SHOX2: variants seen among roughly 807,000 people sequenced by gnomAD.
SHOX2 encodes the protein short stature homeobox protein 2.
A neutral mutation model predicts 31.3 loss-of-function variants in SHOX2; 13 were observed. That is an observed-to-expected ratio of 0.42 (90% confidence interval 0.27 to 0.66). The LOEUF (loss-of-function observed/expected upper bound fraction) is 0.66, where lower values mean the gene tolerates loss of function less well. Among genes scored for constraint, SHOX2 ranks in the 30% least tolerant of loss-of-function variants. The probability of loss-of-function intolerance (pLI) is 0.27; values close to 1 mark genes in which losing one functional copy is unlikely to be tolerated. For missense variants in SHOX2, 473 were observed against 443.0 expected (o/e 1.07, Z -0.61); for synonymous variants, 244 against 196.2 (o/e 1.24, Z -2.04).
At position 158,096,930 on chromosome 3, in the gene SHOX2, ATG is replaced by A. The variant is rs1491288416; in HGVS notation, c.*1095_*1096del. On this transcript the variant is annotated 3_prime_UTR_variant, in exon 5 of 5. Coordinates refer to ENST00000483851, the MANE Select transcript of SHOX2 (RefSeq NM_001163678.2). ...TATATATATATATATATATATATAT[ATG>A]GCAAATATATGATATATATATATGG... 708 of 102,172 alleles carry A rather than the reference ATG, an allele frequency of 6.9e-3. 35 individuals carry two copies. Among genetic ancestry groups the A allele is most frequent in the Non-Finnish European group, 0.01 (514 of 50,312 alleles). 6.3% of individuals were successfully genotyped at this position (102,172 alleles called of 1,614,324 possible).
chr3:158,100,099 C>A, intron 3 of SHOX2, 151 bp from the exon 4 acceptor site: 1 of 926,306 alleles, frequency 1.1e-6, no homozygotes, highest in East Asian at 2.5e-5. Context: ...TAACTTACTC[C>A]CAAACTTTAG....
At position 158,105,902 on chromosome 3, in the gene SHOX2, G is replaced by C. The variant is rs1293381198; in HGVS notation, c.123C>G (p.Thr41=). Reference sequence around the variant, plus strand: ...CGTCGCGGCCCGCCTCGGTGCAGCCGGTCGGCTCCTTGGCCCCGCGCAGCG... The same window carrying C: ...CGTCGCGGCCCGCCTCGGTGCAGCCCGTCGGCTCCTTGGCCCCGCGCAGCG... ...SGPLRGAKEP[T]GCTEAGRDDR... Residue 41 remains threonine, a synonymous_variant, in exon 1 of 5, where the codon ACC becomes ACG. Coordinates refer to ENST00000483851, the MANE Select transcript of SHOX2 (RefSeq NM_001163678.2). 1 of 1,589,198 alleles carries C rather than the reference G, an allele frequency of 6.3e-7. No individual in the cohort carries two copies.
rs546703969 is a variant in SHOX2 at position 158,099,094 on chromosome 3, A to G, written c.702+766T>C. On this transcript the variant is annotated intron_variant, in intron 4 of 4. Coordinates refer to ENST00000483851, the MANE Select transcript of SHOX2 (RefSeq NM_001163678.2). ...CCTATCTGTCTCCCCGGTCCAAGTC[A>G]CTGGAGACTGAGAGCTAATTCATGA... Among the ~76,000 whole-genome samples the G allele has an allele frequency of 1.3e-3, 192 of 152,278 alleles. 2 individuals are homozygous for G. Among genetic ancestry groups the G allele is most frequent in the African/African-American group, 4.5e-3 (186 of 41,554 alleles).
chr3:158,103,054 A>C, intron 1 of SHOX2, 168 bp from the exon 2 acceptor site: 1 of 689,836 alleles, frequency 1.4e-6, no homozygotes, highest in Non-Finnish European at 2.5e-6. Flanking sequence ...TTCTCAACCC[A>C]CCCGGAGGAA....
At chr3:158,100,007 T>C (rs1200009716) in intron 3 of SHOX2, 59 bp from the exon 4 acceptor site, 1 of 1,418,736 alleles carries the variant, frequency 7.0e-7, no homozygotes, top group African/African-American at 1.4e-5. Context: ...TTTTTCAGGG[T>C]TCCAAAGGGT....
In SHOX2 at chr3:158,105,902, G is replaced by A. The variant is rs1293381198; in HGVS notation, c.123C>T (p.Thr41=). 3 of 1,589,198 alleles carry A rather than the reference G, an allele frequency of 1.9e-6. No homozygotes were observed. The highest frequency in any genetic ancestry group is 1.7e-5 in the Admixed American group (1 of 57,992). Residue 41 remains threonine, a synonymous_variant, in exon 1 of 5, where the codon ACC becomes ACT. Coordinates refer to ENST00000483851, the MANE Select transcript of SHOX2 (RefSeq NM_001163678.2). ...SGPLRGAKEP[T]GCTEAGRDDR... ...CGTCGCGGCCCGCCTCGGTGCAGCC[G>A]GTCGGCTCCTTGGCCCCGCGCAGCG...
Position 158,099,951 on chromosome 3 carries a change from G to T in SHOX2, c.614-3C>A. 6.2e-7 allele frequency: 1 copy of T among 1,612,882 alleles called. No homozygotes were observed. The highest frequency in any genetic ancestry group is 8.5e-7 in the Non-Finnish European group (1 of 1,178,892). On this transcript the variant is annotated splice_region_variant and splice_polypyrimidine_tract_variant and intron_variant, in intron 3 of 4. Transcript: ENST00000483851. ...GCTGGCGGCCCCTATGAGAACACCT[G>T]TAAAAAGTACAAGAGAAAAATAATG... is the stretch of plus-strand genomic sequence containing the variant.
chr3:158,106,075 C>CT lies in SHOX2; in HGVS notation c.-52dup. 6.2e-7 allele frequency: 1 copy of CT among 1,605,338 alleles called. No individual in the cohort carries two copies. The highest frequency in any genetic ancestry group is 8.5e-7 in the Non-Finnish European group (1 of 1,175,742). ...CAACCTCTGCCAGCAGAGCCCCGCT[C>CT]TTTTTTTCCTTCTTCTTTTTTTACT... On this transcript the variant is annotated 5_prime_UTR_variant, in exon 1 of 5. Transcript: ENST00000483851.
chr3:158,105,800 TCCGCCTCCTCCGCCG>T lies in SHOX2; in HGVS notation c.210_224del (p.Gly73_Gly77del). On this transcript the variant is annotated inframe_deletion, in exon 1 of 5. Coordinates refer to ENST00000483851, the MANE Select transcript of SHOX2 (RefSeq NM_001163678.2). ...CTGCTCCTCCTCCTCCTACACCTCC[TCCGCCTCCTCCGCCG>T]CCGCCTCCGCCTCCTCCGCCGCCGC... 6.8e-7 allele frequency: 1 copy of T among 1,473,604 alleles called. No individual in the cohort carries two copies. The highest frequency in any genetic ancestry group is 2.7e-5 in the Admixed American group (1 of 37,266). The allele number at this position is 1,473,604 out of a possible 1,614,324, so 91.3% of individuals were successfully genotyped here.
rs750717278 is a variant in SHOX2 at position 158,102,646 on chromosome 3, C to T, written c.555+32G>A. The T allele has an allele frequency of 2.8e-5, 45 of 1,600,400 alleles. No homozygotes were observed. In the Middle Eastern group the frequency reaches 6.9e-4, roughly 25 times the overall value. The stretch of plus-strand genomic sequence containing the variant: ...TTCCAACCCCAGGCTCTCTCTGCTC[C>T]CTGGGCCCTCGACCTCCTGGCAGCT... On this transcript the variant is annotated intron_variant, in intron 2 of 4. Coordinates refer to ENST00000483851, the MANE Select transcript of SHOX2 (RefSeq NM_001163678.2).
chr3:158,096,852 C>T lies in SHOX2; in HGVS notation c.*1175G>A, dbSNP rs1424976339. 1 of 117,658 alleles carries T rather than the reference C, an allele frequency of 8.5e-6. No homozygotes were observed. The highest frequency in any genetic ancestry group is 3.3e-5 in the African/African-American group (1 of 30,724). The allele number at this position is 117,658 out of a possible 1,614,324, so 7.3% of individuals were successfully genotyped here. On this transcript the variant is annotated 3_prime_UTR_variant, in exon 5 of 5. Coordinates refer to ENST00000483851, the MANE Select transcript of SHOX2 (RefSeq NM_001163678.2). ...TGAGTGTAATTTTTTCCCTTTCTGA[C>T]TTTTTTCTTTTGTTCCCCAGGATCA...
rs1055832330 is a variant in SHOX2 at position 158,096,266 on chromosome 3, C to T, written c.*1761G>A. ...CAAAGTTCAGTTAGAAGAGCTTTTC[C>T]TCTTTCTTGTAAATTAGAAGGTAAA... On this transcript the variant is annotated 3_prime_UTR_variant, in exon 5 of 5. Coordinates refer to ENST00000483851, the MANE Select transcript of SHOX2 (RefSeq NM_001163678.2). 25 of 152,144 alleles carry T rather than the reference C, an allele frequency of 1.6e-4. No homozygotes were observed. Among genetic ancestry groups the T allele is most frequent in the African/African-American group, 6.0e-4 (25 of 41,402 alleles). The allele number at this position is 152,144 out of a possible 1,614,324, so 9.4% of individuals were successfully genotyped here. A position where few individuals can be genotyped will look rare whatever the true frequency, so the allele number is the denominator to read the frequency against.
Position 158,101,255 on chromosome 3 carries a change from T to G in SHOX2, c.556-944A>C, listed in dbSNP as rs189982296. 4.6e-5 allele frequency among the ~76,000 whole-genome samples: 7 copies of G among 152,352 alleles called. No individual in the cohort carries two copies. In the East Asian group the frequency reaches 1.2e-3, roughly 25 times the overall value. ...TGCTTCAGAGCTTTCATTGGTATGTTTTTGAAAGCAAGTGTCATAGTCAAT... is the reference window on the plus strand; with the variant it reads ...TGCTTCAGAGCTTTCATTGGTATGTGTTTGAAAGCAAGTGTCATAGTCAAT... On this transcript the variant is annotated intron_variant, in intron 2 of 4. Transcript: ENST00000483851.
intron 2 of SHOX2, 61 bp from the exon 3 acceptor site, chr3:158,100,372 A>C (rs954020689): frequency 3.9e-6 from 5 of 1,278,744 alleles, no homozygotes; most frequent in Non-Finnish European, 5.5e-6. Flanking sequence ...ATTTTTTTAA[A>C]TTACAAAAGT....
Position 158,098,074 on chromosome 3 carries a change from C to A in SHOX2, c.913G>T (p.Asp305Tyr). The change falls in exon 5 of 5, where the codon GAT becomes TAT. Residue 305 changes from aspartate to tyrosine, a missense_variant. Physicochemically the swap from Asp to Tyr is radical, Grantham distance 160. Around this residue, in one of 3 missense-constraint regions of SHOX2, gnomAD observed 182 missense variants for 167.2 expected, o/e 1.09. Coordinates refer to ENST00000483851, the MANE Select transcript of SHOX2 (RefSeq NM_001163678.2). ...TGCTTTTTGGCTTTCAGTCTGAGAT[C>A]GGCGATGCTGGAGTTCTTGCTGGTG... ...KTTSKNSSIA[D>Y]LRLKAKKHAA... is the part of the protein sequence containing the mutation. 1.2e-6 allele frequency: 2 copies of A among 1,611,334 alleles called. No homozygotes were observed. Among genetic ancestry groups the A allele is most frequent in the Non-Finnish European group, 1.7e-6 (2 of 1,178,274 alleles).
intron 1 of SHOX2, among the ~76,000 whole-genome samples, chr3:158,104,864 TTTA>T (rs1330204849): frequency 6.6e-6 from 1 of 152,140 alleles, no homozygotes; most frequent in Non-Finnish European, 1.5e-5. Flanking sequence ...CCAAATCAAT[TTTA>T]TTGTTGAACT....
Position 158,102,782 on chromosome 3 carries a change from G to T in SHOX2, c.451C>A (p.Gln151Lys), listed in dbSNP as rs1713583589. 6.2e-7 allele frequency: 1 copy of T among 1,614,092 alleles called. No individual in the cohort carries two copies. Among genetic ancestry groups the T allele is most frequent in the Non-Finnish European group, 8.5e-7 (1 of 1,180,028 alleles). Residue 151 changes from glutamine (Q) to lysine (K), a missense_variant, in exon 2 of 5, where the codon CAA becomes AAA. Transcript: ENST00000483851. ...AAAAGCCTCTCCAGCTCATTGAGTT[G>T]TTCCAGGGTGAAATTGGTCCGACTT... ...RRSRTNFTLE[Q>K]LNELERLFDE...
chr3:158,105,780 C>G lies in SHOX2; in HGVS notation c.245G>C (p.Gly82Ala). 6.6e-7 allele frequency: 1 copy of G among 1,515,378 alleles called. No homozygotes were observed. Among genetic ancestry groups the G allele is most frequent in the African/African-American group, 1.4e-5 (1 of 69,564 alleles). The allele number at this position is 1,515,378 out of a possible 1,614,324, so 93.9% of individuals were successfully genotyped here. Residue 82 changes from glycine to alanine, a missense_variant, in exon 1 of 5, where the codon GGA becomes GCA. This residue lies in a region of SHOX2 where 276 missense variants were observed against 230.0 expected (regional missense o/e 1.20). Coordinates refer to ENST00000483851, the MANE Select transcript of SHOX2 (RefSeq NM_001163678.2). ...GGGGGGVGGG[G>A]AGGGAGGGRS... Reference sequence around the variant, plus strand: ...CCCTCCTCCAGCTCCTCCGCCTGCTCCTCCTCCTCCTACACCTCCTCCGCC... The same window carrying G: ...CCCTCCTCCAGCTCCTCCGCCTGCTGCTCCTCCTCCTACACCTCCTCCGCC...
At chr3:158,103,632 C>A (rs1713659860) in intron 1 of SHOX2, 1 of 152,318 alleles carries the variant, frequency 6.6e-6, no homozygotes, top group South Asian at 2.1e-4. Flanking sequence ...ATGTTGGCTG[C>A]CCAAAGGGCT....
Sources: allele counts gnomAD v4.1 joint callset (sites outside exome capture counted in the v4.1 genomes callset), GRCh38; gene constraint gnomAD v4.1.1; regional missense constraint gnomAD v4.1.1; transcripts MANE v1.5; gene names NCBI Gene and HGNC (gene_info 2026-07-23, HGNC 2026-07-21).